SSUH2: variants seen among roughly 807,000 people sequenced by gnomAD.
SSUH2 encodes protein SSUH2 homolog.
A neutral mutation model predicts 55.3 loss-of-function variants in SSUH2; 47 were observed. The ratio of observed to expected loss-of-function variants is 0.85; its 90% CI spans 0.67 to 1.08. The LOEUF (loss-of-function observed/expected upper bound fraction) is 1.08, where lower values mean the gene tolerates loss of function less well. Ranked by LOEUF, SSUH2 falls within the 50% of genes least tolerant of loss-of-function variation. The probability of loss-of-function intolerance (pLI) is 0.00; values close to 1 mark genes in which losing one functional copy is unlikely to be tolerated. For synonymous variants in SSUH2, 212 were observed against 191.5 expected (o/e 1.11, Z -0.89); for missense variants, 535 against 490.7 (o/e 1.09, Z -0.85).
intron 1 of SSUH2, among the ~76,000 whole-genome samples, chr3:8,638,971 G>A (rs1438228622): frequency 2.0e-5 from 3 of 152,194 alleles, no homozygotes; most frequent in Non-Finnish European, 2.9e-5. Flanking sequence ...AGAATGAGAG[G>A]TGGGAAACTC....
intron 7 of SSUH2, among the ~76,000 whole-genome samples, chr3:8,650,181 C>A (rs1575274737): frequency 6.6e-6 from 1 of 152,162 alleles, no homozygotes; most frequent in East Asian, 1.9e-4. Flanking sequence ...AAATTGAACA[C>A]CCTGCCGCCA....
rs1480599067 is a variant in SSUH2, at chr3:8,626,239, C to T, written c.757G>A (p.Val253Ile). 6.2e-7 allele frequency: 1 copy of T among 1,613,984 alleles called. No individual in the cohort carries two copies. Among genetic ancestry groups the T allele is most frequent in the Admixed American group, 1.7e-5 (1 of 60,014 alleles). Residue 253 changes from valine to isoleucine, a missense_variant, in exon 9 of 12, where the codon GTC (valine) becomes ATC (isoleucine). Coordinates refer to ENST00000544814, the MANE Select transcript of SSUH2 (RefSeq NM_001256748.3). Reference sequence around the variant, plus strand: ...GACACTGCCACATACCACATGATGACAAGCTGGATGAAGTGCAACAGCTTC... The same window carrying T: ...GACACTGCCACATACCACATGATGATAAGCTGGATGAAGTGCAACAGCTTC... ...EKKLLHFIQL[V>I]IMWKNSLFEF...
chr3:8,644,402 G>C lies in SSUH2; in HGVS notation c.28+329C>G, dbSNP rs144841123. On this transcript the variant is annotated intron_variant, in intron 1 of 11. Transcript: ENST00000544814. Reference sequence around the variant, plus strand: ...TATAAGGTTTGCATGGTGTCACTGTGATAGAGAGAAAAGTTCTCAATTTCA... The same window carrying C: ...TATAAGGTTTGCATGGTGTCACTGTCATAGAGAGAAAAGTTCTCAATTTCA... Among the ~76,000 whole-genome samples the C allele has an allele frequency of 7.2e-5, 11 of 152,304 alleles. No homozygotes were observed. The East Asian group carries it at 2.1e-3, about 29-fold the overall frequency.
At chr3:8,681,657 G>A (rs1332166446) in intron 1 of SSUH2, among the ~76,000 whole-genome samples, 2 of 150,120 alleles carry the variant, frequency 1.3e-5, no homozygotes, top group African/African-American at 4.9e-5. Context: ...CCCGTGCGAT[G>A]GGGACTGAAA....
chr3:8,663,426 A>T (rs1193590385), intron 6 of SSUH2, among the ~76,000 whole-genome samples: 1 of 151,700 alleles, frequency 6.6e-6, no homozygotes, highest in Non-Finnish European at 1.5e-5. Context: ...CTGGATTCAG[A>T]CCCCTGTCTC....
At chr3:8,681,081 CAGGGGGGAG>C (rs1705903245) in intron 1 of SSUH2, among the ~76,000 whole-genome samples, 1 of 100,386 alleles carries the variant, frequency 1.0e-5, no homozygotes. Context: ...ACTTCCATAG[CAGGGGGGAG>C]AGGCACCCCC....
chr3:8,639,790 C>T (rs1303940463), intron 1 of SSUH2, among the ~76,000 whole-genome samples: 1 of 152,166 alleles, frequency 6.6e-6, no homozygotes, highest in Non-Finnish European at 1.5e-5. Flanking sequence ...CACCATCTTA[C>T]TTGAGTTTGT....
intron 5 of SSUH2, among the ~76,000 whole-genome samples, chr3:8,664,824 A>T (rs1703839489): frequency 6.6e-6 from 1 of 152,186 alleles, no homozygotes; most frequent in Non-Finnish European, 1.5e-5. Flanking sequence ...CATACAGAAG[A>T]CAACCTAAAC....
intron 7 of SSUH2, chr3:8,629,411 T>C (rs1336967595): frequency 3.7e-6 from 2 of 544,074 alleles, no homozygotes; most frequent in South Asian, 2.4e-5. Context: ...ATTCAGTGTA[T>C]GTTGGTAGAT....
intron 4 of SSUH2, among the ~76,000 whole-genome samples, chr3:8,633,161 G>C (rs1182022391): frequency 5.0e-5 from 3 of 60,298 alleles, no homozygotes; most frequent in Admixed American, 1.6e-4. Flanking sequence ...TTTTTTTTTT[G>C]AGTTGGAGTT....
chr3:8,677,916 T>G (rs1329929882), intron 2 of SSUH2, among the ~76,000 whole-genome samples: 2 of 149,328 alleles, frequency 1.3e-5, no homozygotes, highest in Non-Finnish European at 3.0e-5. Flanking sequence ...CTGGAGATTA[T>G]GAACTGTTTC....
In SSUH2 at chr3:8,622,258, C is replaced by A. The variant is rs578094219; in HGVS notation, c.981+1291G>T. Among the ~76,000 whole-genome samples, 6 of 152,296 alleles carry A rather than the reference C, an allele frequency of 3.9e-5. No individual in the cohort carries two copies. In the East Asian group the frequency reaches 1.2e-3, roughly 29 times the overall value. On this transcript the variant is annotated intron_variant, in intron 11 of 11. Transcript: ENST00000544814. ...AAAAAAGATTCAGAGAAGTGACCTC[C>A]ACTCCCATTATACTCCTTTTTAAAG...
At chr3:8,637,291 A>G (rs980125190) in intron 1 of SSUH2, among the ~76,000 whole-genome samples, 7 of 152,188 alleles carry the variant, frequency 4.6e-5, no homozygotes, top group Non-Finnish European at 8.8e-5. Flanking sequence ...CAAAACTATG[A>G]AAAAATCATT....
At position 8,635,647 on chromosome 3, in the gene SSUH2, C is replaced by T. The variant is rs572710641; in HGVS notation, c.127+112G>A. The T allele has an allele frequency of 1.8e-5, 19 of 1,028,622 alleles. No homozygotes were observed. In the East Asian group the frequency reaches 3.4e-4, roughly 18 times the overall value. The allele number at this position is 1,028,622 out of a possible 1,614,324, so 63.7% of individuals were successfully genotyped here. A position where few individuals can be genotyped will look rare whatever the true frequency, so the allele number is the denominator to read the frequency against. On this transcript the variant is annotated intron_variant, in intron 2 of 11. Transcript: ENST00000544814. The stretch of plus-strand genomic sequence containing the variant: ...GCCCAAGATGAGGGGCTTCCCAGGG[C>T]CCCCCCAGGGAAAGGGGAGCTATCT...
rs747739812 is a variant in SSUH2 at position 8,626,252 on chromosome 3, G to A, written c.744C>T (p.His248=). 8.1e-6 allele frequency: 13 copies of A among 1,614,030 alleles called. No individual in the cohort carries two copies. The highest frequency in any genetic ancestry group is 6.6e-5 in the South Asian group (6 of 91,068). ...ACCACATGATGACAAGCTGGATGAA[G>A]TGCAACAGCTTCTTCTCCCCCTTGC... The part of the protein sequence containing the change: ...ATCKGEKKLL[H]FIQLVIMWKN... The change falls in exon 9 of 12, where the codon CAC becomes CAT. Residue 248 remains histidine, a synonymous_variant. Coordinates refer to ENST00000544814, the MANE Select transcript of SSUH2 (RefSeq NM_001256748.3).
In SSUH2 at chr3:8,677,034, GA is replaced by G. The variant is rs1330033132; in HGVS notation, c.-753+171del. On this transcript the variant is annotated intron_variant, in intron 3 of 18. Coordinates refer to the SSUH2 transcript ENST00000317371. ...GAGACCTCCATCGCGGTGGGGGGAGGAACCCCCCAGGAGGCGGGGACTGCGA... is the reference window on the plus strand; with the variant it reads ...GAGACCTCCATCGCGGTGGGGGGAGGACCCCCCAGGAGGCGGGGACTGCGA... Among the ~76,000 whole-genome samples the G allele has an allele frequency of 1.4e-5, 2 of 146,130 alleles. 1 individual carries two copies. The highest frequency in any genetic ancestry group is 4.4e-4 in the East Asian group (2 of 4,518).
At chr3:8,639,978 T>A (rs1700568312) in intron 1 of SSUH2, 1 of 985,444 alleles carries the variant, frequency 1.0e-6, no homozygotes, top group Non-Finnish European at 1.2e-6. Context: ...TATGCACAAA[T>A]GCCTCGTGAT....
intron 1 of SSUH2, among the ~76,000 whole-genome samples, chr3:8,642,858 G>C (rs1213388535): frequency 6.6e-6 from 1 of 152,090 alleles, no homozygotes; most frequent in Non-Finnish European, 1.5e-5. Context: ...AATCTACCTG[G>C]TTTCTGATTT....
At chr3:8,621,899 A>G (rs1559269606) in intron 11 of SSUH2, among the ~76,000 whole-genome samples, 1 of 152,164 alleles carries the variant, frequency 6.6e-6, no homozygotes, top group Non-Finnish European at 1.5e-5. Flanking sequence ...ATTAAGATCC[A>G]ATGGAGAGCA....
Sources: gnomAD v4.1 joint callset for allele counts (sites outside exome capture counted in the v4.1 genomes callset) on GRCh38, gnomAD v4.1.1 for gene constraint, MANE v1.5 for transcripts, NCBI Gene and HGNC (gene_info 2026-07-23, HGNC 2026-07-21) for gene names.